IL17B: variants seen among roughly 807,000 people sequenced by gnomAD.
IL17B encodes the protein interleukin-17B.
A neutral mutation model predicts 14.7 loss-of-function variants in IL17B; 14 were observed. The ratio of observed to expected loss-of-function variants is 0.95; its 90% CI spans 0.63 to 1.49. IL17B has a LOEUF of 1.49. Among genes scored for constraint, IL17B ranks in the 40% most tolerant of loss-of-function variants. The pLI, the probability that IL17B is intolerant of heterozygous loss-of-function variation, is 0.00. For missense variants in IL17B, 233 were observed against 252.8 expected (o/e 0.92, Z 0.53); for synonymous variants, 105 against 94.8 (o/e 1.11, Z -0.62).
intron 1 of IL17B, among the ~76,000 whole-genome samples, chr5:149,390,691 A>G (rs1758930463): frequency 6.6e-6 from 1 of 151,638 alleles, no homozygotes; most frequent in African/African-American, 2.4e-5. Context: ...GCTTAAAGCT[A>G]GGTAAGTGAT....
At chr5:149,387,454 CT>C (rs1025690228) in intron 1 of IL17B, among the ~76,000 whole-genome samples, 6 of 152,154 alleles carry the variant, frequency 3.9e-5, no homozygotes, top group African/African-American at 1.4e-4. Context: ...AGGGTTACCC[CT>C]GAAGCACTCT....
intron 1 of IL17B, among the ~76,000 whole-genome samples, chr5:149,393,030 C>T (rs573490840): frequency 6.2e-4 from 92 of 148,184 alleles, no homozygotes; most frequent in Non-Finnish European, 1.1e-3. Context: ...TGTGTGTGGG[C>T]GTGTGTGTGC....
chr5:149,379,467 G>A (rs1214015644), upstream of IL17B, among the ~76,000 whole-genome samples: 1 of 152,220 alleles, frequency 6.6e-6, no homozygotes, highest in African/African-American at 2.4e-5. Flanking sequence ...GGTGCCCAGG[G>A]GCTGTTGACC....
At chr5:149,397,114 G>A (rs1024521814) in intron 1 of IL17B, among the ~76,000 whole-genome samples, 8 of 152,158 alleles carry the variant, frequency 5.3e-5, no homozygotes, top group Non-Finnish European at 1.0e-4. Flanking sequence ...GTTATTACTC[G>A]GCCATTGCAA....
chr5:149,377,742 G>A (rs1193899585), intron 1 of IL17B, among the ~76,000 whole-genome samples: 1 of 152,098 alleles, frequency 6.6e-6, no homozygotes, highest in African/African-American at 2.4e-5. Flanking sequence ...TCTGGGGAAG[G>A]GACATGTCAG....
chr5:149,400,488 G>A (rs1462771580), intron 1 of IL17B, among the ~76,000 whole-genome samples: 2 of 152,176 alleles, frequency 1.3e-5, no homozygotes, highest in African/African-American at 4.8e-5. Context: ...AGCCCTGCCT[G>A]ACTGACACAA....
chr5:149,401,138 A>T (rs1433137166), intron 1 of IL17B, among the ~76,000 whole-genome samples: 1 of 152,224 alleles, frequency 6.6e-6, no homozygotes. Context: ...ATCTGCCTTG[A>T]CAGGACAATT....
At chr5:149,386,842 G>A (rs1758836314) in intron 1 of IL17B, among the ~76,000 whole-genome samples, 1 of 152,112 alleles carries the variant, frequency 6.6e-6, no homozygotes, top group South Asian at 2.1e-4. Context: ...AGTAGCTGAG[G>A]TTACAGGCAT....
At chr5:149,393,903 G>C (rs1439274676) in intron 1 of IL17B, among the ~76,000 whole-genome samples, 2 of 152,286 alleles carry the variant, frequency 1.3e-5, no homozygotes, top group East Asian at 3.9e-4. Flanking sequence ...ATTGGGAACT[G>C]ATCATAATCC....
intron 1 of IL17B, among the ~76,000 whole-genome samples, chr5:149,386,700 G>T (rs959393172): frequency 2.0e-5 from 3 of 152,170 alleles, no homozygotes; most frequent in African/African-American, 7.2e-5. Flanking sequence ...TATGTGCCAG[G>T]CACTGGGGAT....
intron 1 of IL17B, among the ~76,000 whole-genome samples, chr5:149,384,635 A>T (rs532850289): frequency 4.6e-5 from 7 of 152,194 alleles, no homozygotes; most frequent in Non-Finnish European, 8.8e-5. Context: ...GGGGGTTAAC[A>T]AGATTATATG....
chr5:149,376,907 A>T lies in IL17B; in HGVS notation c.140T>A (p.Leu47Gln), dbSNP rs1022123571. ...PLAPGPHQVP[L>Q]DLVSRMKPYA... ...CGGTTTCATCCGTGACACCAGGTCC[A>T]GTGGCACCTGGTGAGGGCCAGGGGC... The change falls in exon 2 of 3, where the codon CTG becomes CAG. Residue 47 changes from leucine to glutamine, a missense_variant. Coordinates refer to ENST00000261796, the MANE Select transcript of IL17B (RefSeq NM_014443.3). The T allele has an allele frequency of 6.2e-7, 1 of 1,614,124 alleles. No individual in the cohort carries two copies. Among genetic ancestry groups the T allele is most frequent in the Non-Finnish European group, 8.5e-7 (1 of 1,179,994 alleles).
upstream of IL17B, among the ~76,000 whole-genome samples, chr5:149,381,009 C>T (rs1159620868): frequency 3.3e-5 from 5 of 152,010 alleles, no homozygotes; most frequent in African/African-American, 1.2e-4. Context: ...GCCCCAGCCC[C>T]ACTGGCCGGG....
chr5:149,378,282 C>T (rs1208657214), intron 1 of IL17B, among the ~76,000 whole-genome samples: 1 of 152,144 alleles, frequency 6.6e-6, no homozygotes, highest in Non-Finnish European at 1.5e-5. Context: ...CTGCCCTTCT[C>T]CCCTGAGCCT....
chr5:149,395,831 C>G (rs768308777), intron 1 of IL17B, among the ~76,000 whole-genome samples: 5 of 152,112 alleles, frequency 3.3e-5, no homozygotes, highest in Non-Finnish European at 5.9e-5. Flanking sequence ...TGCCACCATG[C>G]CCAGCTAATT....
chr5:149,381,693 G>A (rs968354956), upstream of IL17B, among the ~76,000 whole-genome samples: 6 of 152,338 alleles, frequency 3.9e-5, no homozygotes, highest in East Asian at 9.7e-4. Flanking sequence ...ACAGTCATTG[G>A]GTTTCCCATT....
chr5:149,397,751 T>C (rs1759120444), intron 1 of IL17B, among the ~76,000 whole-genome samples: 1 of 152,128 alleles, frequency 6.6e-6, no homozygotes, highest in Non-Finnish European at 1.5e-5. Flanking sequence ...GTCTACAAGC[T>C]GGAGACCCTG....
chr5:149,391,756 G>A (rs1009314517), intron 1 of IL17B, among the ~76,000 whole-genome samples: 3 of 152,214 alleles, frequency 2.0e-5, no homozygotes, highest in Admixed American at 1.3e-4. Context: ...AATGGAGGAC[G>A]GCGACTGGCC....
At chr5:149,381,981 A>C (rs146951155), upstream of IL17B, among the ~76,000 whole-genome samples, 320 of 152,322 alleles carry the variant, frequency 2.1e-3, 8 homozygotes, top group East Asian at 0.041. Context: ...CTACAGGGGA[A>C]GGGGCAGTGG....
Sources: gnomAD v4.1 joint callset for allele counts (sites outside exome capture counted in the v4.1 genomes callset) on GRCh38, gnomAD v4.1.1 for gene constraint, MANE v1.5 for transcripts, NCBI Gene and HGNC (gene_info 2026-07-23, HGNC 2026-07-21) for gene names.